The following RIMKLB variants were observed in gnomAD, a reference collection of about 807,000 sequenced individuals.
The protein encoded by RIMKLB is ribosomal modification protein rimK like family member B, also known as beta-citrylglutamate synthase B.
A neutral mutation model predicts 32.0 loss-of-function variants in RIMKLB; 7 were observed. The observed-to-expected ratio is 0.22, with a 90% confidence interval of 0.12 to 0.41. The LOEUF is 0.41. Ranked by LOEUF, RIMKLB falls within the 10% of genes least tolerant of loss-of-function variation. RIMKLB has a pLI of 1.00. For missense variants in RIMKLB, 289 were observed against 498.7 expected (o/e 0.58, Z 4.00); for synonymous variants, 172 against 185.1 (o/e 0.93, Z 0.57).
intron 1 of RIMKLB, among the ~76,000 whole-genome samples, chr12:8,686,334 A>G (rs1212850991): frequency 1.0e-4 from 15 of 146,482 alleles, no homozygotes; most frequent in African/African-American, 3.8e-4. Context: ...TCACTCTGTC[A>G]CCCAGGGTGG....
At chr12:8,689,540 C>T (rs1002946550) in intron 1 of RIMKLB, among the ~76,000 whole-genome samples, 1 of 152,162 alleles carries the variant, frequency 6.6e-6, no homozygotes, top group East Asian at 1.9e-4. Flanking sequence ...TTCATTCAGC[C>T]ATATTTTCCT....
chr12:8,749,724 AG>A, intron 2 of RIMKLB, 137 bp from the exon 3 acceptor site: 1 of 596,410 alleles, frequency 1.7e-6, no homozygotes, highest in Non-Finnish European at 2.9e-6. Context: ...CTTTTTTCTT[AG>A]GAGTATCTCT....
At chr12:8,676,098 G>T in the RIMKLB span, among the ~76,000 whole-genome samples, 1 of 151,850 alleles carries the variant, frequency 6.6e-6, no homozygotes, top group Non-Finnish European at 1.5e-5. Flanking sequence ...TTTGAGACAG[G>T]GTCTCACTTT....
intron 1 of RIMKLB, among the ~76,000 whole-genome samples, chr12:8,702,906 A>G (rs767059735): frequency 2.0e-5 from 3 of 152,224 alleles, no homozygotes; most frequent in Non-Finnish European, 4.4e-5. Context: ...GGGACTTTGT[A>G]CTGTGCATTA....
intron 2 of RIMKLB, among the ~76,000 whole-genome samples, chr12:8,743,460 T>G (rs747926589): frequency 4.0e-5 from 6 of 151,578 alleles, no homozygotes; most frequent in Admixed American, 2.6e-4. Context: ...CTGCCATTTG[T>G]CTGTTCCTTG....
chr12:8,744,242 T>A (rs1322788574), intron 2 of RIMKLB, among the ~76,000 whole-genome samples: 4 of 151,938 alleles, frequency 2.6e-5, no homozygotes, highest in Admixed American at 1.3e-4. Context: ...TTGGATCACT[T>A]CTGTTTTCCT....
downstream of RIMKLB, among the ~76,000 whole-genome samples, chr12:8,780,987 A>G (rs1386617465): frequency 6.6e-6 from 1 of 152,232 alleles, no homozygotes; most frequent in Non-Finnish European, 1.5e-5. Flanking sequence ...TGGACAGTAA[A>G]TCTGAATGTT....
intron 3 of RIMKLB, among the ~76,000 whole-genome samples, chr12:8,750,311 A>T (rs1395377433): frequency 1.3e-5 from 2 of 152,206 alleles, no homozygotes; most frequent in Non-Finnish European, 2.9e-5. Context: ...TAAGTATTTT[A>T]GGTTTTATAA....
chr12:8,726,547 T>C (rs1483453108), intron 2 of RIMKLB, among the ~76,000 whole-genome samples: 1 of 152,208 alleles, frequency 6.6e-6, no homozygotes. Context: ...TAGTGTAGCA[T>C]GGTATATCTA....
intron 2 of RIMKLB, among the ~76,000 whole-genome samples, chr12:8,743,432 T>C (rs1947768320): frequency 1.3e-5 from 2 of 148,502 alleles, no homozygotes; most frequent in East Asian, 2.0e-4. Flanking sequence ...TGAAAGTAAA[T>C]ATCAGTAAGG....
At chr12:8,682,727 G>A (rs1034487003) in intron 1 of RIMKLB, among the ~76,000 whole-genome samples, 1 of 150,214 alleles carries the variant, frequency 6.7e-6, no homozygotes, top group Admixed American at 6.7e-5. Flanking sequence ...AGCCGAGATC[G>A]CGCCACTGCA....
chr12:8,736,662 T>C (rs559200846), intron 2 of RIMKLB, among the ~76,000 whole-genome samples: 2 of 152,052 alleles, frequency 1.3e-5, no homozygotes, highest in East Asian at 1.9e-4. Context: ...TGTTTGTTTT[T>C]TGTGGAGATG....
At position 8,776,412 on chromosome 12, in the gene RIMKLB, T is replaced by G. The variant is rs1168404036; in HGVS notation, c.*2628T>G. ...TAAGGAAACAAACAGCAGCAGATAT[T>G]TAGGTTAAACTTATTTTCATAATTG... On this transcript the variant is annotated 3_prime_UTR_variant, in exon 6 of 6. Coordinates refer to ENST00000535829, the MANE Select transcript of RIMKLB (RefSeq NM_001297776.2). 1 of 968,398 alleles carries G rather than the reference T, an allele frequency of 1.0e-6. No individual in the cohort carries two copies. The highest frequency in any genetic ancestry group is 1.2e-6 in the Non-Finnish European group (1 of 814,542). 60.0% of individuals were successfully genotyped at this position (968,398 alleles called of 1,614,324 possible).
intron 2 of RIMKLB, among the ~76,000 whole-genome samples, chr12:8,716,826 TC>T (rs1180583113): frequency 6.8e-6 from 1 of 147,408 alleles, no homozygotes; most frequent in Non-Finnish European, 1.5e-5. Context: ...AGCCTCAACT[TC>T]CCAGGCTCAA....
intron 4 of RIMKLB, among the ~76,000 whole-genome samples, chr12:8,752,977 T>G (rs1948740936): frequency 6.6e-6 from 1 of 152,090 alleles, no homozygotes; most frequent in African/African-American, 2.4e-5. Flanking sequence ...AACTCCTGAC[T>G]TCTGGTGATC....
At chr12:8,754,122 A>G (rs986309074) in intron 5 of RIMKLB, 29 bp downstream of exon 5, 6 of 1,499,982 alleles carry the variant, frequency 4.0e-6, no homozygotes, top group Admixed American at 3.3e-5. Flanking sequence ...TCTTTCTAGT[A>G]TATAAAGTAA....
intron 2 of RIMKLB, among the ~76,000 whole-genome samples, chr12:8,721,951 CCAGGTTGGT>C (rs1405151032): frequency 1.3e-5 from 2 of 151,990 alleles, no homozygotes; most frequent in Non-Finnish European, 2.9e-5. Context: ...GCCATGTTGG[CCAGGTTGGT>C]CTCAAACTCC....
chr12:8,718,649 CTCTCTA>C (rs1291628457), intron 2 of RIMKLB, among the ~76,000 whole-genome samples: 1 of 94,768 alleles, frequency 1.1e-5, no homozygotes, highest in African/African-American at 4.5e-5. Context: ...CTCTCTCTCT[CTCTCTA>C]TATATATATA....
chr12:8,753,123 T>C (rs1229437922), intron 4 of RIMKLB, among the ~76,000 whole-genome samples: 2 of 152,206 alleles, frequency 1.3e-5, no homozygotes, highest in Admixed American at 6.5e-5. Flanking sequence ...CAGGGATGGC[T>C]GGATCAGAGT....
Sources: allele counts gnomAD v4.1 joint callset (sites outside exome capture counted in the v4.1 genomes callset), GRCh38; gene constraint gnomAD v4.1.1; transcripts MANE v1.5; gene names NCBI Gene and HGNC (gene_info 2026-07-23, HGNC 2026-07-21).